SPAG16: variants seen among roughly 807,000 people sequenced by gnomAD.
The protein encoded by SPAG16 is sperm-associated antigen 16 protein.
SPAG16 carries 86 observed loss-of-function variants against 80.4 expected under a neutral mutation model. That is an observed-to-expected ratio of 1.07 (90% CI 0.90 to 1.28). The LOEUF (loss-of-function observed/expected upper bound fraction) is 1.28, where lower values mean the gene tolerates loss of function less well. SPAG16 is among the 50% of genes most tolerant of loss of function. The pLI is 0.00. For missense variants in SPAG16, 870 were observed against 765.3 expected, an observed-to-expected ratio of 1.14 and a Z score of -1.61; for synonymous variants, 294 against 265.9, an observed-to-expected ratio of 1.11 and a Z score of -1.03.
At chr2:213,870,763 G>T (rs1430805325) in intron 11 of SPAG16, among the ~76,000 whole-genome samples, 1 of 152,146 alleles carries the variant, frequency 6.6e-6, no homozygotes, top group Non-Finnish European at 1.5e-5. Context: ...GGTCTGGTTT[G>T]CTGTAAAACT....
chr2:214,333,979 A>C (rs1336450285), intron 15 of SPAG16, among the ~76,000 whole-genome samples: 2 of 152,232 alleles, frequency 1.3e-5, no homozygotes, highest in African/African-American at 4.8e-5. Flanking sequence ...CCATTCTTCC[A>C]GGGCTATTGC....
At position 213,862,630 on chromosome 2, in the gene SPAG16, T is replaced by A. The variant is rs756174280; in HGVS notation, c.1214+2T>A. 14 of 1,613,988 alleles carry A rather than the reference T, an allele frequency of 8.7e-6. No individual in the cohort carries two copies. The Middle Eastern group carries it at 5.0e-4, about 57-fold the overall frequency. On this transcript the variant is annotated splice_donor_variant, in intron 11 of 15. Transcript: ENST00000331683. LOFTEE classifies it high-confidence loss of function. ...TTCAGACTGCTGCTTCCATCCCAGG[T>A]CAGTGCACAGGACCCCTAGAAATAG...
intron 10 of SPAG16, among the ~76,000 whole-genome samples, chr2:213,740,534 C>T (rs762629402): frequency 1.3e-5 from 2 of 152,184 alleles, no homozygotes; most frequent in African/African-American, 2.4e-5. Context: ...TAGTTCAGGC[C>T]ATCATCATTT....
In SPAG16 at chr2:213,595,754, T is replaced by C. The variant is rs529389710; in HGVS notation, c.1070+105664T>C. Reference sequence around the variant, plus strand: ...TAGAATTAAAACATTCTGAGGTTTTTTTTACTTTATACTTTGGAAATATTA... The same window carrying C: ...TAGAATTAAAACATTCTGAGGTTTTCTTTACTTTATACTTTGGAAATATTA... On this transcript the variant is annotated intron_variant, in intron 10 of 15. Transcript: ENST00000331683. Among the ~76,000 whole-genome samples the C allele has an allele frequency of 7.2e-5, 11 of 152,248 alleles. No individual in the cohort carries two copies. The East Asian group carries it at 1.9e-3, about 27-fold the overall frequency.
At chr2:214,190,303 T>G (rs1020113466) in intron 15 of SPAG16, among the ~76,000 whole-genome samples, 2 of 152,130 alleles carry the variant, frequency 1.3e-5, no homozygotes, top group Non-Finnish European at 2.9e-5. Context: ...CCTCCCTACT[T>G]GCCAGATTGT....
At chr2:213,341,385 C>G (rs1165926225) in intron 6 of SPAG16, among the ~76,000 whole-genome samples, 1 of 152,116 alleles carries the variant, frequency 6.6e-6, no homozygotes, top group East Asian at 1.9e-4. Flanking sequence ...AAGTTGGGGT[C>G]TGAAATCTCT....
chr2:213,548,568 A>T (rs1251998210), intron 10 of SPAG16, among the ~76,000 whole-genome samples: 9 of 152,326 alleles, frequency 5.9e-5, no homozygotes, highest in South Asian at 2.1e-4. Context: ...GCGTAATCAA[A>T]TACTCACGAC....
chr2:213,799,535 G>A (rs1427993494), intron 10 of SPAG16, among the ~76,000 whole-genome samples: 5 of 152,060 alleles, frequency 3.3e-5, no homozygotes, highest in Admixed American at 2.6e-4. Flanking sequence ...CAACCATCTT[G>A]TTAAAATAAT....
intron 15 of SPAG16, among the ~76,000 whole-genome samples, chr2:214,152,552 C>T (rs1261173155): frequency 1.3e-5 from 2 of 152,058 alleles, no homozygotes; most frequent in East Asian, 1.9e-4. Flanking sequence ...CCCACAAGGT[C>T]GGTGGGTCTC....
chr2:214,376,582 T>C (rs1273811453), intron 15 of SPAG16, among the ~76,000 whole-genome samples: 1 of 152,176 alleles, frequency 6.6e-6, no homozygotes, highest in Middle Eastern at 3.2e-3. Flanking sequence ...AATAATCTTG[T>C]ATTGTACTGA....
At chr2:214,349,210 C>T (rs1698251133) in intron 15 of SPAG16, among the ~76,000 whole-genome samples, 1 of 152,116 alleles carries the variant, frequency 6.6e-6, no homozygotes, top group Admixed American at 6.5e-5. Context: ...ATTCCCTTAC[C>T]ATTTCCTGAC....
At chr2:213,545,796 G>A (rs146405715) in intron 10 of SPAG16, among the ~76,000 whole-genome samples, 16 of 152,216 alleles carry the variant, frequency 1.1e-4, no homozygotes, top group African/African-American at 2.4e-4. Flanking sequence ...GGAGGGGTTT[G>A]TGTGATGTGA....
intron 15 of SPAG16, among the ~76,000 whole-genome samples, chr2:214,386,565 T>C (rs1700765484): frequency 6.6e-6 from 1 of 151,952 alleles, no homozygotes; most frequent in South Asian, 2.1e-4. Context: ...GAACACTGTA[T>C]AAGACTATGA....
chr2:214,003,975 G>A (rs1242408058), intron 12 of SPAG16, among the ~76,000 whole-genome samples: 1 of 152,192 alleles, frequency 6.6e-6, no homozygotes, highest in African/African-American at 2.4e-5. Flanking sequence ...TAAATAGACT[G>A]TTAAAGCCAC....
intron 10 of SPAG16, among the ~76,000 whole-genome samples, chr2:213,692,510 C>A (rs1445954686): frequency 1.3e-5 from 2 of 152,054 alleles, no homozygotes; most frequent in Non-Finnish European, 2.9e-5. Flanking sequence ...CTTACTGTTT[C>A]CTTAAAAATG....
intron 12 of SPAG16, among the ~76,000 whole-genome samples, chr2:213,992,038 T>C (rs2046312028): frequency 1.3e-5 from 2 of 152,118 alleles, no homozygotes; most frequent in African/African-American, 4.8e-5. Flanking sequence ...TGCATACTCA[T>C]AAAGAAAGAA....
rs767310743 is a variant in SPAG16 at position 213,989,224 on chromosome 2, G to A, written c.1401-24727G>A. ...GGCCCTGACTCTGTAGCTTGGGCCT[G>A]GACAACACTAAGAACACAGTATCCA... On this transcript the variant is annotated intron_variant, in intron 12 of 15. Coordinates refer to ENST00000331683, the MANE Select transcript of SPAG16 (RefSeq NM_024532.5). Among the ~76,000 whole-genome samples, 16 of 152,070 alleles carry A rather than the reference G, an allele frequency of 1.1e-4. 1 individual carries two copies. The highest frequency in any genetic ancestry group is 2.1e-4 in the Non-Finnish European group (14 of 68,002).
chr2:213,564,073 C>T (rs915013116), intron 10 of SPAG16, among the ~76,000 whole-genome samples: 23 of 152,136 alleles, frequency 1.5e-4, no homozygotes, highest in Non-Finnish European at 2.9e-4. Context: ...ATGACTTCCT[C>T]GGGTTAGGTT....
At chr2:213,930,986 C>T (rs750824472) in intron 12 of SPAG16, among the ~76,000 whole-genome samples, 5 of 152,182 alleles carry the variant, frequency 3.3e-5, no homozygotes, top group Non-Finnish European at 7.4e-5. Flanking sequence ...TTTGAAGGTC[C>T]TCCCTTCAAG....
Sources: gnomAD v4.1 joint callset for allele counts (sites outside exome capture counted in the v4.1 genomes callset) on GRCh38, gnomAD v4.1.1 for gene constraint, MANE v1.5 for transcripts, NCBI Gene and HGNC (gene_info 2026-07-23, HGNC 2026-07-21) for gene names.